The following KSR2 variants were observed in gnomAD, a reference collection of about 807,000 sequenced individuals.
KSR2 encodes the protein kinase suppressor of ras 2.
A neutral mutation model predicts 107.8 loss-of-function variants in KSR2; 25 were observed. The observed-to-expected ratio is 0.23, with a 90% CI of 0.17 to 0.32. The LOEUF is 0.32. KSR2 is among the 10% of genes least tolerant of loss of function. The pLI is 1.00. For missense variants in KSR2, 887 were observed against 1,268.9 expected (o/e 0.70, Z 4.57); for synonymous variants, 480 against 507.0 (o/e 0.95, Z 0.71).
At chr12:117,929,647 G>A (rs1053752129) in intron 1 of KSR2, among the ~76,000 whole-genome samples, 1 of 152,180 alleles carries the variant, frequency 6.6e-6, no homozygotes, top group Admixed American at 6.6e-5. Flanking sequence ...GAAACGCAGT[G>A]TATCTATACA....
At chr12:117,854,688 C>T (rs1181833290) in intron 3 of KSR2, among the ~76,000 whole-genome samples, 1 of 152,042 alleles carries the variant, frequency 6.6e-6, no homozygotes, top group East Asian at 1.9e-4. Context: ...GACAGAAAGG[C>T]CCCAGAATTT....
chr12:117,629,697 C>T (rs1028093522), intron 5 of KSR2, among the ~76,000 whole-genome samples: 1 of 152,212 alleles, frequency 6.6e-6, no homozygotes, highest in Non-Finnish European at 1.5e-5. Context: ...CAATAGGACA[C>T]TAGTTACTAT....
chr12:117,772,167 T>TACACACACTC (rs1889490554), intron 3 of KSR2, among the ~76,000 whole-genome samples: 1 of 42,766 alleles, frequency 2.3e-5, no homozygotes, highest in African/African-American at 9.8e-5. Flanking sequence ...AAGACGCACA[T>TACACACACTC]ACACATACAC....
intron 4 of KSR2, among the ~76,000 whole-genome samples, chr12:117,679,398 G>A (rs1258084680): frequency 2.0e-5 from 3 of 152,192 alleles, no homozygotes; most frequent in Non-Finnish European, 4.4e-5. Flanking sequence ...GCGGCACTTG[G>A]TTAAAAATTC....
intron 3 of KSR2, among the ~76,000 whole-genome samples, chr12:117,847,797 C>T (rs1166039603): frequency 2.0e-5 from 3 of 152,164 alleles, no homozygotes; most frequent in South Asian, 2.1e-4. Context: ...CCCTCCCTCC[C>T]GTCCCAAGGC....
At chr12:117,644,813 G>A (rs1039626138) in intron 5 of KSR2, among the ~76,000 whole-genome samples, 2 of 152,120 alleles carry the variant, frequency 1.3e-5, no homozygotes, top group Non-Finnish European at 2.9e-5. Context: ...CTCCATGGGG[G>A]GACAAACAAA....
intron 9 of KSR2, 84 bp from the exon 10 acceptor site, chr12:117,539,971 C>T (rs1876362935): frequency 8.6e-7 from 1 of 1,169,520 alleles, no homozygotes; most frequent in Admixed American, 2.3e-5. Flanking sequence ...CAGGAGAGGC[C>T]CCCACCCCAG....
intron 4 of KSR2, among the ~76,000 whole-genome samples, chr12:117,673,728 G>A (rs1885009582): frequency 6.6e-6 from 1 of 152,192 alleles, no homozygotes; most frequent in Non-Finnish European, 1.5e-5. Flanking sequence ...GACTGTGACT[G>A]TGTACTTAAG....
chr12:117,480,674 G>C (rs1872123330), intron 16 of KSR2, among the ~76,000 whole-genome samples: 1 of 152,100 alleles, frequency 6.6e-6, no homozygotes, highest in Non-Finnish European at 1.5e-5. Context: ...GGGCAGGAAG[G>C]CAAGTGACTC....
At chr12:117,467,797 G>C (rs1424543048) in intron 19 of KSR2, 1 of 436,434 alleles carries the variant, frequency 2.3e-6, no homozygotes, top group Non-Finnish European at 4.5e-6. Context: ...ACAGTGTCTA[G>C]CACATAAAAG....
At chr12:117,825,365 G>A (rs1450488645) in intron 3 of KSR2, among the ~76,000 whole-genome samples, 1 of 152,070 alleles carries the variant, frequency 6.6e-6, no homozygotes, top group Admixed American at 6.6e-5. Context: ...GCATGGCTGG[G>A]TAAATGTGTG....
chr12:117,732,156 G>C (rs188887835), intron 4 of KSR2, among the ~76,000 whole-genome samples: 81 of 152,234 alleles, frequency 5.3e-4, no homozygotes, highest in African/African-American at 1.9e-3. Context: ...AACCCTGGTC[G>C]TGAGGTGGTA....
chr12:117,838,925 C>T (rs1472617663), intron 3 of KSR2, among the ~76,000 whole-genome samples: 1 of 152,206 alleles, frequency 6.6e-6, no homozygotes, highest in Non-Finnish European at 1.5e-5. Context: ...TGTCACACTA[C>T]ACAATTCTGA....
intron 1 of KSR2, among the ~76,000 whole-genome samples, chr12:117,921,392 G>A (rs1325341702): frequency 2.0e-5 from 3 of 152,112 alleles, no homozygotes; most frequent in Non-Finnish European, 4.4e-5. Flanking sequence ...CACACACAGT[G>A]AGATCTTATT....
intron 10 of KSR2, among the ~76,000 whole-genome samples, chr12:117,534,159 A>T (rs1592965572): frequency 6.6e-6 from 1 of 152,012 alleles, no homozygotes; most frequent in African/African-American, 2.4e-5. Flanking sequence ...TGGAGCCCCC[A>T]TGCCTACCCT....
intron 4 of KSR2, among the ~76,000 whole-genome samples, chr12:117,724,333 A>T (rs985947280): frequency 6.6e-5 from 10 of 152,020 alleles, no homozygotes; most frequent in Non-Finnish European, 1.2e-4. Flanking sequence ...AAAAAAAAGA[A>T]AAATAACATA....
chr12:117,637,844 A>C (rs1302964379), intron 5 of KSR2, among the ~76,000 whole-genome samples: 2 of 152,044 alleles, frequency 1.3e-5, no homozygotes, highest in African/African-American at 4.8e-5. Flanking sequence ...AACACCAGAG[A>C]AGTTTGCAAA....
At chr12:117,933,246 T>G (rs1895743568) in intron 1 of KSR2, among the ~76,000 whole-genome samples, 1 of 152,142 alleles carries the variant, frequency 6.6e-6, no homozygotes, top group Non-Finnish European at 1.5e-5. Context: ...ACAAATAATT[T>G]TTAGTATAAG....
chr12:117,802,966 T>G (rs1013136247), intron 3 of KSR2, among the ~76,000 whole-genome samples: 3 of 152,238 alleles, frequency 2.0e-5, no homozygotes, highest in Admixed American at 2.0e-4. Context: ...GACTGATAAT[T>G]GCATTCTGAA....
Sources: gnomAD v4.1 joint callset for allele counts (sites outside exome capture counted in the v4.1 genomes callset) on GRCh38, gnomAD v4.1.1 for gene constraint, MANE v1.5 for transcripts, NCBI Gene and HGNC (gene_info 2026-07-23, HGNC 2026-07-21) for gene names.